The following COL27A1 variants were observed in gnomAD, a reference collection of about 807,000 sequenced individuals.
The protein encoded by COL27A1 is collagen alpha-1(XXVII) chain.
Under a neutral mutation model 251.3 loss-of-function variants are expected in COL27A1, and 106 were observed. The ratio of observed to expected loss-of-function variants is 0.42; its 90% CI spans 0.36 to 0.50. COL27A1 has a LOEUF of 0.50. Among genes scored for constraint, COL27A1 ranks in the 20% least tolerant of loss-of-function variants. The pLI is 0.00. For missense variants in COL27A1, 2,325 were observed against 2,522.8 expected (o/e 0.92, Z 1.68); for synonymous variants, 1,000 against 986.3 (o/e 1.01, Z -0.26).
Position 114,288,461 on chromosome 9 carries a change from C to G in COL27A1, c.3994C>G (p.Gln1332Glu), listed in dbSNP as rs1046524063. 7 of 1,609,936 alleles carry G rather than the reference C, an allele frequency of 4.3e-6. No individual in the cohort carries two copies. The highest frequency in any genetic ancestry group is 1.3e-5 in the African/African-American group (1 of 74,928). The change falls in exon 42 of 61, where the codon CAG becomes GAG. Residue 1332 changes from glutamine (Q) to glutamate (E), a missense_variant. Physicochemically the swap from Gln to Glu is conservative, Grantham distance 29. Around this residue, in one of 4 missense-constraint regions of COL27A1, gnomAD observed 662 missense variants for 795.3 expected, o/e 0.83. Transcript: ENST00000356083. ...GCTGGTTCTGTGTCCACAGGGGGAG[C>G]AGGGCGAGGACGGCAAGGCTGAGGG... Reference protein sequence around the residue: ...PPGPKGEKGEQGEDGKAEGPP... With the variant: ...PPGPKGEKGEEGEDGKAEGPP...
At position 114,168,700 on chromosome 9, in the gene COL27A1, T is replaced by A. The variant is rs1412475664; in HGVS notation, c.1145T>A (p.Ile382Asn). The change falls in exon 3 of 61, where the codon ATC becomes AAC. Residue 382 changes from isoleucine to asparagine, a missense_variant. Coordinates refer to ENST00000356083, the MANE Select transcript of COL27A1 (RefSeq NM_032888.4). ...PSAPSTSIVP[I>N]KSPHPTQKTA... ...GCCCCTTCTACTTCAATTGTGCCCA[T>A]CAAAAGCCCCCATCCTACCCAGAAA... 1.2e-5 allele frequency: 20 copies of A among 1,614,022 alleles called. No individual in the cohort carries two copies. Among genetic ancestry groups the A allele is most frequent in the Non-Finnish European group, 1.4e-5 (17 of 1,180,020 alleles).
chr9:114,201,581 A>G lies in COL27A1; in HGVS notation c.2125-3521A>G, dbSNP rs527571455. Among the ~76,000 whole-genome samples, 9 of 152,298 alleles carry G rather than the reference A, an allele frequency of 5.9e-5. No individual in the cohort carries two copies. The South Asian group carries it at 1.7e-3, about 28-fold the overall frequency. ...AGATACCTAGAAATTGTATATCCCA[A>G]TGGGTCTGGAGTCCTAGGGAAAAGT... On this transcript the variant is annotated intron_variant, in intron 7 of 60. Coordinates refer to ENST00000356083, the MANE Select transcript of COL27A1 (RefSeq NM_032888.4).
At chr9:114,237,768 T>A in intron 19 of COL27A1, 53 bp downstream of exon 19, 2 of 1,504,400 alleles carry the variant, frequency 1.3e-6, no homozygotes, top group Non-Finnish European at 1.9e-6. Context: ...CTCGGTCTTG[T>A]CCTTGGGAAA....
intron 27 of COL27A1, among the ~76,000 whole-genome samples, 161 bp from the exon 28 acceptor site, chr9:114,258,380 T>C (rs1834090436): frequency 6.6e-6 from 1 of 152,136 alleles, no homozygotes; most frequent in Admixed American, 6.5e-5. Flanking sequence ...GTGAGCCAGG[T>C]GCCCAGTCCT....
At chr9:114,209,218 C>T (rs918039395) in intron 10 of COL27A1, among the ~76,000 whole-genome samples, 3 of 152,166 alleles carry the variant, frequency 2.0e-5, no homozygotes, top group Non-Finnish European at 2.9e-5. Flanking sequence ...TAGTTAATGC[C>T]AGCACTCAGG....
Position 114,222,241 on chromosome 9 carries a change from G to C in COL27A1, c.2440G>C (p.Gly814Arg), listed in dbSNP as rs1831162971. The change falls in exon 14 of 61, where the codon GGC becomes CGC. Residue 814 changes from glycine to arginine, a missense_variant. Transcript: ENST00000356083. ...TCTGCAGGGAGAACTGGGCCTGCCA[G>C]GCCCCCCTGGAGTCCCCGGCCTCAT... ...DGNPGELGLP[G>R]PPGVPGLIGD... 1 of 1,613,754 alleles carries C rather than the reference G, an allele frequency of 6.2e-7. No individual in the cohort carries two copies. The highest frequency in any genetic ancestry group is 1.7e-5 in the Admixed American group (1 of 60,006).
chr9:114,308,105 GA>G (rs761140255), intron 59 of COL27A1, among the ~76,000 whole-genome samples: 61 of 152,118 alleles, frequency 4.0e-4, no homozygotes, highest in Non-Finnish European at 7.2e-4. Context: ...AAATAAAAGA[GA>G]AAACTAGCAT....
In COL27A1 at chr9:114,237,755, G is replaced by A. The variant is rs567653950; in HGVS notation, c.2727+40G>A. On this transcript the variant is annotated intron_variant, in intron 19 of 60. Transcript: ENST00000356083. ...ATTTCTCCGTGTCTGGCTGCTGCTG[G>A]GACTCGGTCTTGTCCTTGGGAAACT... 17 of 1,570,110 alleles carry A rather than the reference G, an allele frequency of 1.1e-5. No individual in the cohort carries two copies. The African/African-American group carries it at 1.2e-4, about 11-fold the overall frequency.
intron 14 of COL27A1, among the ~76,000 whole-genome samples, chr9:114,228,803 C>G (rs749713990): frequency 6.6e-5 from 10 of 152,146 alleles, no homozygotes; most frequent in Non-Finnish European, 1.2e-4. Context: ...TTGATGGGAC[C>G]TGAAAGCAGA....
At chr9:114,245,163 T>TTG in intron 23 of COL27A1, among the ~76,000 whole-genome samples, 2 of 138,774 alleles carry the variant, frequency 1.4e-5, no homozygotes, top group Admixed American at 7.3e-5. Context: ...TTTTTTTTTT[T>TTG]TTTTTTTTTT....
Position 114,292,109 on chromosome 9 carries a change from A to G in COL27A1, c.4483A>G (p.Ser1495Gly). The change falls in exon 49 of 61, where the codon AGT becomes GGT. Residue 1495 changes from serine (S) to glycine (G), a missense_variant. Ser to Gly is a moderately conservative substitution (Grantham distance 56, BLOSUM62 0). Transcript: ENST00000356083. ...TTTTGTGTGTTTCTTTAAGGGTGAG[A>G]GTGGGTTACCCGGACAGCTGGGTCC... ...AQGPPGFKGESGLPGQLGPPG... is the reference protein window; with the variant it reads ...AQGPPGFKGEGGLPGQLGPPG... 1 of 1,556,484 alleles carries G rather than the reference A, an allele frequency of 6.4e-7. No individual in the cohort carries two copies. Among genetic ancestry groups the G allele is most frequent in the Non-Finnish European group, 8.7e-7 (1 of 1,149,776 alleles).
At chr9:114,254,649 G>A (rs541978419) in intron 27 of COL27A1, among the ~76,000 whole-genome samples, 2 of 152,278 alleles carry the variant, frequency 1.3e-5, no homozygotes, top group South Asian at 4.1e-4. Flanking sequence ...GTTCCCTGGG[G>A]TCTGATGAGG....
intron 40 of COL27A1, among the ~76,000 whole-genome samples, chr9:114,284,470 A>C (rs1213412405): frequency 6.6e-6 from 1 of 151,870 alleles, no homozygotes; most frequent in Non-Finnish European, 1.5e-5. Context: ...CTCCCGAGTC[A>C]CCCTTCCAGG....
At chr9:114,227,720 G>A (rs949329183) in intron 14 of COL27A1, among the ~76,000 whole-genome samples, 12 of 152,110 alleles carry the variant, frequency 7.9e-5, no homozygotes, top group African/African-American at 1.7e-4. Context: ...TCAGTGAGAC[G>A]AAGGGCACAG....
chr9:114,299,994 C>T lies in COL27A1; in HGVS notation c.4585-76C>T, dbSNP rs1361032355. ...AAAGGCTGGGAGGGAAAAGGCAGGC[C>T]CTGAGGTCCCAGGTGGCTGGCGGGA... On this transcript the variant is annotated intron_variant, in intron 49 of 60. Transcript: ENST00000356083. 1.1e-5 allele frequency: 16 copies of T among 1,424,162 alleles called. No homozygotes were observed. In the East Asian group the frequency reaches 2.7e-4, roughly 24 times the overall value. 88.2% of individuals were successfully genotyped at this position (1,424,162 alleles called of 1,614,324 possible). A position where few individuals can be genotyped will look rare whatever the true frequency, so the allele number is the denominator to read the frequency against.
Position 114,168,765 on chromosome 9 carries a change from C to G in COL27A1, c.1210C>G (p.Gln404Glu), listed in dbSNP as rs776066690. The G allele has an allele frequency of 2.2e-5, 35 of 1,613,918 alleles. No individual in the cohort carries two copies. The East Asian group carries it at 7.6e-4, about 35-fold the overall frequency. The change falls in exon 3 of 61, where the codon CAG (glutamine) becomes GAG (glutamate). Residue 404 changes from glutamine to glutamate, a missense_variant. Physicochemically the swap from Gln to Glu is conservative, Grantham distance 29. Around this residue, in one of 4 missense-constraint regions of COL27A1, gnomAD observed 1,183 missense variants for 1,144.1 expected, o/e 1.03. Coordinates refer to ENST00000356083, the MANE Select transcript of COL27A1 (RefSeq NM_032888.4). Reference sequence around the variant, plus strand: ...ATTTACAAAGTCAGCCCTACCCACTCAGAAGCAAGTGCCACCTACTTCCCG... The same window carrying G: ...ATTTACAAAGTCAGCCCTACCCACTGAGAAGCAAGTGCCACCTACTTCCCG... ...SSFTKSALPT[Q>E]KQVPPTSRPV...
At chr9:114,219,289 G>A (rs1399766605) in intron 12 of COL27A1, among the ~76,000 whole-genome samples, 1 of 152,128 alleles carries the variant, frequency 6.6e-6, no homozygotes, top group Non-Finnish European at 1.5e-5. Context: ...GTGTGACCTT[G>A]CCACTTCACT....
rs1204015990 is a variant in COL27A1, at chr9:114,167,984, C to G, written c.429C>G (p.Arg143=). The G allele has an allele frequency of 1.2e-6, 2 of 1,605,474 alleles. No homozygotes were observed. The highest frequency in any genetic ancestry group is 1.7e-6 in the Non-Finnish European group (2 of 1,179,820). ...CGGTCGTCCACCTCGGGTCCCGGCG[C>G]TCAGTGGCCTTCGACCTCGACATGC... is the stretch of plus-strand genomic sequence containing the variant. ...GKTVVHLGSR[R]SVAFDLDMHD... The change falls in exon 3 of 61, where the codon CGC becomes CGG. Residue 143 remains arginine, a synonymous_variant. Coordinates refer to ENST00000356083, the MANE Select transcript of COL27A1 (RefSeq NM_032888.4).
chr9:114,181,900 G>C (rs1232246204), intron 4 of COL27A1, among the ~76,000 whole-genome samples: 1 of 152,214 alleles, frequency 6.6e-6, no homozygotes, highest in African/African-American at 2.4e-5. Flanking sequence ...CAGGTGCTCT[G>C]TGGTCTCTGG....
Sources: allele counts gnomAD v4.1 joint callset (sites outside exome capture counted in the v4.1 genomes callset), GRCh38; gene constraint gnomAD v4.1.1; regional missense constraint gnomAD v4.1.1; transcripts MANE v1.5; gene names NCBI Gene and HGNC (gene_info 2026-07-23, HGNC 2026-07-21).